The following TTN variants were observed in gnomAD, a reference collection of about 807,000 sequenced individuals.
TTN encodes the protein connectin.
Under a neutral mutation model 3,223.0 loss-of-function variants are expected in TTN, and 1,525 were observed. The ratio of observed to expected loss-of-function variants is 0.47; its 90% CI spans 0.45 to 0.49. The LOEUF (loss-of-function observed/expected upper bound fraction) is 0.49. Among genes scored for constraint, TTN ranks in the 20% least tolerant of loss-of-function variants. TTN has a pLI of 0.00. For synonymous variants in TTN, 14,094 were observed against 15,161.0 expected, an observed-to-expected ratio of 0.93 and a Z score of 5.17; for missense variants, 40,786 against 43,424.0, an observed-to-expected ratio of 0.94 and a Z score of 5.40.
chr2:178,713,432 A>G lies in TTN; in HGVS notation c.26762-60T>C, dbSNP rs72648992. The G allele has an allele frequency of 0.015, 22,201 of 1,437,102 alleles. 191 individuals carry two copies. Among genetic ancestry groups the G allele is most frequent in the Non-Finnish European group, 0.018 (19,733 of 1,099,706 alleles). 89.0% of individuals were successfully genotyped at this position (1,437,102 alleles called of 1,614,324 possible). A position where few individuals can be genotyped will look rare whatever the true frequency, so the allele number is the denominator to read the frequency against. ...ACAAAAAAAACAAAGGACAACAATT[A>G]TAAAATGACTTGAAGAGAGAACTGT... On this transcript the variant is annotated intron_variant, in intron 92 of 362. Coordinates refer to ENST00000589042, the MANE Select transcript of TTN (RefSeq NM_001267550.2).
intron 269 of TTN, 36 bp downstream of exon 269, chr2:178,611,336 G>T (rs1470830299): frequency 1.2e-6 from 2 of 1,610,568 alleles, no homozygotes; most frequent in Non-Finnish European, 1.7e-6. Context: ...TGAATAAAGG[G>T]TATTTTATTA....
In TTN at chr2:178,559,300, T is replaced by C. The variant is rs1702734797; in HGVS notation, c.86821+11A>G. 3.8e-6 allele frequency: 6 copies of C among 1,570,090 alleles called. No individual in the cohort carries two copies. The East Asian group carries it at 1.1e-4, about 29-fold the overall frequency. ...GTGGATATGTAGAATTTCCTTATTCTTAAAACATACCTGTTATTTTTACTC... is the reference window on the plus strand; with the variant it reads ...GTGGATATGTAGAATTTCCTTATTCCTAAAACATACCTGTTATTTTTACTC... On this transcript the variant is annotated intron_variant, in intron 326 of 362. Coordinates refer to ENST00000589042, the MANE Select transcript of TTN (RefSeq NM_001267550.2).
Position 178,710,748 on chromosome 2 carries a change from T to C in TTN, c.28349A>G (p.Asn9450Ser). Reference protein sequence around the residue: ...GGKYQISYLENSAHLTVLKVD... With the variant: ...GGKYQISYLESSAHLTVLKVD... ...TTTGAGGACTGTCAGGTGGGCGCTG[T>C]TTTCCAGATAACTAATCTGGTACTT... Residue 9450 changes from asparagine to serine, a missense_variant, in exon 98 of 363, where the codon AAC (asparagine) becomes AGC (serine). Physicochemically the swap from Asn to Ser is conservative, Grantham distance 46 (BLOSUM62 1). Coordinates refer to ENST00000589042, the MANE Select transcript of TTN (RefSeq NM_001267550.2). 6.2e-7 allele frequency: 1 copy of C among 1,613,906 alleles called. No homozygotes were observed. The highest frequency in any genetic ancestry group is 1.7e-4 in the Middle Eastern group (1 of 6,048).
chr2:178,736,390 A>T (rs1441852506), intron 49 of TTN, among the ~76,000 whole-genome samples: 1 of 152,238 alleles, frequency 6.6e-6, no homozygotes, highest in East Asian at 1.9e-4. Context: ...TATTGAGCTG[A>T]TACTTTAATT....
rs1359751670 is a variant in TTN, at chr2:178,755,747, A to G, written c.11254+475T>C. Among the ~76,000 whole-genome samples, 3 of 152,200 alleles carry G rather than the reference A, an allele frequency of 2.0e-5. No homozygotes were observed. In the East Asian group the frequency reaches 5.8e-4, roughly 29 times the overall value. On this transcript the variant is annotated intron_variant, in intron 46 of 362. Transcript: ENST00000589042. ...GCATGAGTCACTGTACTTGGTCCCA[A>G]TTTTCTATTTTCATGGCCCCTTTGT...
intron 278 of TTN, among the ~76,000 whole-genome samples, chr2:178,606,374 T>C (rs972664273): frequency 4.2e-5 from 6 of 144,202 alleles, no homozygotes; most frequent in African/African-American, 1.4e-4. Flanking sequence ...ATAGGATGTA[T>C]TTTTTTTTTT....
chr2:178,571,535 G>T lies in TTN; in HGVS notation c.74597C>A (p.Thr24866Lys). 1.9e-6 allele frequency: 3 copies of T among 1,613,046 alleles called. No individual in the cohort carries two copies. Among genetic ancestry groups the T allele is most frequent in the African/African-American group, 1.3e-5 (1 of 74,966 alleles). Residue 24866 changes from threonine (T) to lysine (K), a missense_variant, in exon 326 of 363, where the codon ACA becomes AAA. By Grantham distance (78) the Thr-to-Lys change is moderately conservative. Transcript: ENST00000589042. ...WQIVSATVAR[T>K]TIKACRLKTG... Reference sequence around the variant, plus strand: ...CTTCAGTCTGCAAGCCTTTATTGTTGTCCTTGCAACTGTAGCTGATACAAT... The same window carrying T: ...CTTCAGTCTGCAAGCCTTTATTGTTTTCCTTGCAACTGTAGCTGATACAAT...
chr2:178,610,869 G>A, intron 270 of TTN, 124 bp downstream of exon 270: 1 of 1,197,964 alleles, frequency 8.3e-7, no homozygotes, highest in Non-Finnish European at 1.2e-6. Flanking sequence ...GACATAATCA[G>A]AAGTGACATT....
chr2:178,688,893 CA>C, intron 125 of TTN, 115 bp from the exon 126 acceptor site: 3 of 1,110,066 alleles, frequency 2.7e-6, no homozygotes, highest in Non-Finnish European at 2.6e-6. Context: ...AATGGGAAAA[CA>C]AGTTACATAT....
At chr2:178,746,247 G>T in intron 47 of TTN, 2 of 1,612,434 alleles carry the variant, frequency 1.2e-6, no homozygotes, top group Non-Finnish European at 1.7e-6. Context: ...TCACAAATAG[G>T]CATTATAAAG....
intron 102 of TTN, 64 bp downstream of exon 102, chr2:178,706,388 CTG>C (rs1205821281): frequency 1.1e-5 from 16 of 1,482,902 alleles, no homozygotes; most frequent in Non-Finnish European, 1.3e-5. Context: ...GGCTGGTTGA[CTG>C]TGGATGCGGA....
Position 178,619,787 on chromosome 2 carries a change from G to A in TTN, c.46530C>T (p.Val15510=). The change falls in exon 250 of 363, where the codon GTC becomes GTT. Residue 15510 remains valine, a synonymous_variant. Transcript: ENST00000589042. ...CAACCATGTTATTTCTTAGCCATTG[G>A]ACTTCCACCTTATCTTTATTGAGTT... ...LAELNKDKVE[V]QWLRNNMVVV... is the part of the protein sequence containing the mutation. The A allele has an allele frequency of 1.2e-6, 2 of 1,612,266 alleles. No individual in the cohort carries two copies. The highest frequency in any genetic ancestry group is 1.7e-6 in the Non-Finnish European group (2 of 1,178,912).
At chr2:178,626,342 T>A (rs540425076) in intron 240 of TTN, among the ~76,000 whole-genome samples, 1 of 152,060 alleles carries the variant, frequency 6.6e-6, no homozygotes, top group Admixed American at 6.6e-5. Flanking sequence ...AATGGGAAAA[T>A]CAGATGTCAA....
intron 162 of TTN, 73 bp from the exon 163 acceptor site, chr2:178,666,974 AG>A: frequency 9.2e-7 from 1 of 1,085,258 alleles, no homozygotes; most frequent in Non-Finnish European, 1.3e-6. Flanking sequence ...TAAGAAAGTT[AG>A]ATATGTTAAT....
intron 332 of TTN, 50 bp downstream of exon 332, chr2:178,554,403 T>A: frequency 6.3e-7 from 1 of 1,577,278 alleles, no homozygotes; most frequent in Non-Finnish European, 8.6e-7. Flanking sequence ...TTAGCGTAGT[T>A]TATTTTTAAA....
At position 178,800,384 on chromosome 2, in the gene TTN, C is replaced by G. The variant is rs1347981401; in HGVS notation, c.583+11G>C. ...TCCCCTTCTCTCTGTTCCTCAACCT[C>G]CAGCACGTACCTTGAACCAGTAATT... On this transcript the variant is annotated intron_variant, in intron 4 of 362. Transcript: ENST00000589042. 1.2e-6 allele frequency: 2 copies of G among 1,614,120 alleles called. No individual in the cohort carries two copies. The highest frequency in any genetic ancestry group is 1.7e-6 in the Non-Finnish European group (2 of 1,179,998).
chr2:178,539,669 G>A lies in TTN; in HGVS notation c.98396C>T (p.Pro32799Leu). ...KVRVIGSPNS[P>L]EGPLEYDDIQ... is the part of the protein sequence containing the mutation. ...GTCATCATATTCCAGTGGCCCTTCT[G>A]GACTGTTGGGACTTCCTATCACCCT... Residue 32799 changes from proline (P) to leucine (L), a missense_variant, in exon 352 of 363, where the codon CCA (proline) becomes CTA (leucine). By Grantham distance (98) the Pro-to-Leu change is moderately conservative (BLOSUM62 -3). Coordinates refer to ENST00000589042, the MANE Select transcript of TTN (RefSeq NM_001267550.2). 6.2e-7 allele frequency: 1 copy of A among 1,613,628 alleles called. No homozygotes were observed. Among genetic ancestry groups the A allele is most frequent in the Admixed American group, 1.7e-5 (1 of 60,008 alleles).
chr2:178,674,753 C>G (rs2067678395), intron 150 of TTN, among the ~76,000 whole-genome samples: 1 of 151,410 alleles, frequency 6.6e-6, no homozygotes, highest in African/African-American at 2.4e-5. Flanking sequence ...TTTACAGTTG[C>G]CTACTAAGTC....
In TTN at chr2:178,711,216, T is replaced by G. The variant is rs756504709; in HGVS notation, c.28020A>C (p.Pro9340=). The stretch of plus-strand genomic sequence containing the variant: ...TTTGTACATTTGGGCTGTCTTTCAA[T>G]GGCTTGCCGTCTTTATACCAAGACA... ...ISVSWYKDGK[P]LKDSPNVQTS... The change falls in exon 97 of 363, where the codon CCA becomes CCC. Residue 9340 remains proline, a synonymous_variant. Transcript: ENST00000589042. 6.2e-7 allele frequency: 1 copy of G among 1,613,764 alleles called. No individual in the cohort carries two copies. Among genetic ancestry groups the G allele is most frequent in the Non-Finnish European group, 8.5e-7 (1 of 1,179,804 alleles).
Sources: allele counts gnomAD v4.1 joint callset (sites outside exome capture counted in the v4.1 genomes callset), GRCh38; gene constraint gnomAD v4.1.1; transcripts MANE v1.5; gene names NCBI Gene and HGNC (gene_info 2026-07-23, HGNC 2026-07-21).